Variants in NALF1 observed in about 807,000 individuals in gnomAD.
NALF1 encodes the protein family with sequence similarity 155 member A.
In NALF1, 3 loss-of-function variants were observed where a neutral mutation model predicts 48.4. The ratio of observed to expected loss-of-function variants is 0.06; its 90% confidence interval spans 0.03 to 0.16. The LOEUF (loss-of-function observed/expected upper bound fraction) is 0.16. Ranked by LOEUF, NALF1 falls within the 10% of genes least tolerant of loss-of-function variation. The probability of loss-of-function intolerance (pLI) is 1.00; values close to 1 mark genes in which losing one functional copy is unlikely to be tolerated. For synonymous variants in NALF1, 262 were observed against 245.7 expected (o/e 1.07, Z -0.62); for missense variants, 526 against 571.5 (o/e 0.92, Z 0.81).
At chr13:107,851,548 T>C (rs946449096) in intron 1 of NALF1, among the ~76,000 whole-genome samples, 54 of 152,142 alleles carry the variant, frequency 3.5e-4, no homozygotes, top group African/African-American at 1.3e-3. Flanking sequence ...TTTATAAAAT[T>C]ACTATTTTGT....
intron 1 of NALF1, among the ~76,000 whole-genome samples, chr13:107,228,916 C>T (rs1158897518): frequency 1.3e-5 from 2 of 151,932 alleles, no homozygotes; most frequent in Non-Finnish European, 2.9e-5. Context: ...CCACCACGCC[C>T]GCCTGGGTGC....
chr13:107,768,050 C>A (rs2138567260), intron 1 of NALF1, among the ~76,000 whole-genome samples: 1 of 152,252 alleles, frequency 6.6e-6, no homozygotes, highest in East Asian at 1.9e-4. Context: ...GATGTGAATG[C>A]AAACCTCAGC....
At chr13:107,274,585 T>TA (rs201914837) in intron 1 of NALF1, among the ~76,000 whole-genome samples, 21 of 151,126 alleles carry the variant, frequency 1.4e-4, no homozygotes, top group Non-Finnish European at 2.5e-4. Context: ...TTAATTAATT[T>TA]AAAAAAAAAT....
At chr13:107,601,945 C>T (rs1015530588) in intron 1 of NALF1, among the ~76,000 whole-genome samples, 2 of 152,120 alleles carry the variant, frequency 1.3e-5, no homozygotes, top group Non-Finnish European at 2.9e-5. Flanking sequence ...ACTTCCCTAT[C>T]CTTTTTTGTT....
intron 1 of NALF1, among the ~76,000 whole-genome samples, chr13:107,277,221 T>C (rs1011800770): frequency 1.2e-4 from 18 of 152,346 alleles, no homozygotes; most frequent in African/African-American, 4.1e-4. Flanking sequence ...AGAATTATTT[T>C]GAAGACTATA....
At chr13:107,603,956 T>G (rs2138426709) in intron 1 of NALF1, among the ~76,000 whole-genome samples, 1 of 152,314 alleles carries the variant, frequency 6.6e-6, no homozygotes, top group South Asian at 2.1e-4. Flanking sequence ...CAGGAGGCTG[T>G]GTTTTAACTC....
chr13:107,381,258 T>C (rs1005450327), intron 1 of NALF1, among the ~76,000 whole-genome samples: 7 of 150,928 alleles, frequency 4.6e-5, no homozygotes, highest in Admixed American at 1.3e-4. Flanking sequence ...TGGAGTGCAG[T>C]GGCATGGTCA....
intron 1 of NALF1, among the ~76,000 whole-genome samples, chr13:107,445,163 G>C (rs868584730): frequency 5.9e-5 from 9 of 152,270 alleles, no homozygotes; most frequent in Middle Eastern, 3.4e-3. Flanking sequence ...TCCATCACTT[G>C]TGTAGTTTCA....
At chr13:107,529,616 C>T (rs750979418) in intron 1 of NALF1, among the ~76,000 whole-genome samples, 9 of 152,182 alleles carry the variant, frequency 5.9e-5, no homozygotes, top group Non-Finnish European at 1.3e-4. Context: ...ACTTCCAGCT[C>T]TTCCAAGATG....
chr13:107,290,215 C>CCTCCTGGGTT (rs1881592801), intron 1 of NALF1, among the ~76,000 whole-genome samples: 1 of 151,152 alleles, frequency 6.6e-6, no homozygotes, highest in African/African-American at 2.4e-5. Flanking sequence ...ATACATTTTG[C>CCTCCTGGGTT]CACAAATTAT....
chr13:107,387,744 A>T lies in NALF1; in HGVS notation c.916-176989T>A, dbSNP rs899283746. Among the ~76,000 whole-genome samples the T allele has an allele frequency of 2.0e-5, 3 of 152,344 alleles. No homozygotes were observed. In the South Asian group the frequency reaches 6.2e-4, roughly 32 times the overall value. On this transcript the variant is annotated intron_variant, in intron 1 of 2. Transcript: ENST00000375915. Reference sequence around the variant, plus strand: ...GCTGACTGTGCAAGCCCAGAAAGCTAACAATTGGTGCAGCAGCTGCCCTCA... The same window carrying T: ...GCTGACTGTGCAAGCCCAGAAAGCTTACAATTGGTGCAGCAGCTGCCCTCA...
At chr13:107,528,453 C>T (rs918607687) in intron 1 of NALF1, among the ~76,000 whole-genome samples, 4 of 152,080 alleles carry the variant, frequency 2.6e-5, no homozygotes, top group African/African-American at 9.7e-5. Context: ...AAGAGGAATT[C>T]ACTGACTGGG....
intron 1 of NALF1, among the ~76,000 whole-genome samples, chr13:107,508,319 C>T (rs529051210): frequency 2.6e-4 from 40 of 151,254 alleles, no homozygotes; most frequent in Non-Finnish European, 4.4e-4. Flanking sequence ...ATTTGATATA[C>T]TCATGTATAT....
At chr13:107,389,552 T>C (rs1358128941) in intron 1 of NALF1, among the ~76,000 whole-genome samples, 1 of 152,178 alleles carries the variant, frequency 6.6e-6, no homozygotes, top group Non-Finnish European at 1.5e-5. Context: ...TCCAGAAATT[T>C]GAGACAATCA....
intron 1 of NALF1, among the ~76,000 whole-genome samples, chr13:107,695,144 G>T (rs1235582322): frequency 6.6e-6 from 1 of 152,004 alleles, no homozygotes; most frequent in Non-Finnish European, 1.5e-5. Context: ...TGAACGTTGA[G>T]GAAGTTCCTT....
At chr13:107,291,956 G>C (rs1047443042) in intron 1 of NALF1, among the ~76,000 whole-genome samples, 2 of 152,170 alleles carry the variant, frequency 1.3e-5, no homozygotes, top group African/African-American at 4.8e-5. Flanking sequence ...AAATGTATAA[G>C]TGACATAAAA....
chr13:107,445,832 GAA>G (rs370005633), intron 1 of NALF1, among the ~76,000 whole-genome samples: 2,341 of 152,182 alleles, frequency 0.015, 58 homozygotes, highest in African/African-American at 0.052. Context: ...GTGATGAGCA[GAA>G]AAAAATTATT....
chr13:107,481,859 G>C (rs1195476115), intron 1 of NALF1, among the ~76,000 whole-genome samples: 7 of 152,110 alleles, frequency 4.6e-5, no homozygotes, highest in Admixed American at 4.6e-4. Context: ...GTTTTTACCC[G>C]ATCAAGGCAT....
At chr13:107,807,590 A>T (rs1038575941) in intron 1 of NALF1, among the ~76,000 whole-genome samples, 1 of 152,236 alleles carries the variant, frequency 6.6e-6, no homozygotes, top group African/African-American at 2.4e-5. Flanking sequence ...TGTACCAATG[A>T]TAAATGAACT....
Sources: allele counts gnomAD v4.1 joint callset (sites outside exome capture counted in the v4.1 genomes callset), GRCh38; gene constraint gnomAD v4.1.1; transcripts MANE v1.5; gene names NCBI Gene and HGNC (gene_info 2026-07-23, HGNC 2026-07-21).